Variants in GSPT1 observed in about 807,000 individuals in gnomAD.
GSPT1 encodes the protein G1 to S phase transition 1.
GSPT1 carries 20 observed loss-of-function variants against 72.5 expected under a neutral mutation model. The observed-to-expected ratio is 0.28, with a 90% CI of 0.19 to 0.40. The LOEUF is 0.40. Among genes scored for constraint, GSPT1 ranks in the 10% least tolerant of loss-of-function variants. The pLI is 1.00. For synonymous variants in GSPT1, 334 were observed against 293.5 expected, an observed-to-expected ratio of 1.14 and a Z score of -1.41; for missense variants, 580 against 811.9, an observed-to-expected ratio of 0.71 and a Z score of 3.47.
In GSPT1 at chr16:11,894,155, C is replaced by CAAAAAA. The variant is rs57226427; in HGVS notation, c.698+793_698+798dup. The stretch of plus-strand genomic sequence containing the variant: ...TTGGTGACAGAATGAGACCCTATCT[C>CAAAAAA]AAAAAAAAAAAAAAAAAAAAAAAAA... On this transcript the variant is annotated intron_variant, in intron 5 of 14. Transcript: ENST00000434724. 1.2e-3 allele frequency among the ~76,000 whole-genome samples: 50 copies of CAAAAAA among 42,672 alleles called. 2 individuals carry two copies. Among genetic ancestry groups the CAAAAAA allele is most frequent in the African/African-American group, 4.2e-3 (48 of 11,332 alleles). The allele number at this position is 42,672 out of a possible 152,430, so 28.0% of individuals were successfully genotyped here. A position where few individuals can be genotyped will look rare whatever the true frequency, so the allele number is the denominator to read the frequency against.
intron 1 of GSPT1, among the ~76,000 whole-genome samples, chr16:11,912,961 C>T (rs1020202425): frequency 6.6e-6 from 1 of 152,234 alleles, no homozygotes; most frequent in Non-Finnish European, 1.5e-5. Flanking sequence ...TCTCCAGGCT[C>T]CTTCAACAGC....
At chr16:11,895,027 A>G (rs748933925) in intron 4 of GSPT1, 40 bp from the exon 5 acceptor site, 3 of 1,389,900 alleles carry the variant, frequency 2.2e-6, no homozygotes, top group Non-Finnish European at 3.0e-6. Context: ...GGTTAAAACC[A>G]AAAACCAATG....
intron 1 of GSPT1, among the ~76,000 whole-genome samples, chr16:11,899,829 G>A (rs377599227): frequency 1.2e-4 from 18 of 152,228 alleles, no homozygotes; most frequent in African/African-American, 4.3e-4. Context: ...CTGACTCCTA[G>A]GTTTAACTCC....
At chr16:11,883,133 T>A in intron 10 of GSPT1, 38 bp from the exon 11 acceptor site, 1 of 1,319,440 alleles carries the variant, frequency 7.6e-7, no homozygotes, top group Non-Finnish European at 1.1e-6. Flanking sequence ...TTCAGACTTC[T>A]TGGTGCTGTA....
At chr16:11,892,519 AAAACAAAAAAAAC>A (rs2054276915) in intron 5 of GSPT1, among the ~76,000 whole-genome samples, 3 of 142,768 alleles carry the variant, frequency 2.1e-5, no homozygotes, top group African/African-American at 8.4e-5. Context: ...AAAAACAAAA[AAAACAAAAAAAAC>A]AAAAAATAAA....
At chr16:11,911,553 T>C (rs78514565) in intron 1 of GSPT1, among the ~76,000 whole-genome samples, 1 of 212 alleles carries the variant, frequency 4.7e-3, no homozygotes, top group South Asian at 0.17. Context: ...ACCCAGCTAT[T>C]TTTTTTTTTT....
At chr16:11,896,017 G>C (rs1266347635) in intron 4 of GSPT1, among the ~76,000 whole-genome samples, 1 of 152,208 alleles carries the variant, frequency 6.6e-6, no homozygotes, top group Non-Finnish European at 1.5e-5. Context: ...TGAAATGAAA[G>C]ACACATAATT....
chr16:11,909,691 G>A (rs182563488), intron 1 of GSPT1, among the ~76,000 whole-genome samples: 2 of 152,280 alleles, frequency 1.3e-5, no homozygotes, highest in East Asian at 1.9e-4. Flanking sequence ...TTGGGAGGCC[G>A]AGACGGGTGG....
chr16:11,889,317 A>G, intron 6 of GSPT1, among the ~76,000 whole-genome samples: 1 of 86,622 alleles, frequency 1.2e-5, no homozygotes, highest in South Asian at 4.4e-4. Flanking sequence ...CGGCACCCCC[A>G]CCCCTCTTCT....
chr16:11,884,364 C>T (rs767821695), intron 10 of GSPT1, among the ~76,000 whole-genome samples: 3 of 152,106 alleles, frequency 2.0e-5, no homozygotes, highest in African/African-American at 7.2e-5. Flanking sequence ...CCTGGCTCAT[C>T]GGGAAACAGC....
chr16:11,871,042 T>C lies in GSPT1; in HGVS notation c.*2077A>G, dbSNP rs2053972476. 6.6e-6 allele frequency: 1 copy of C among 152,212 alleles called. No homozygotes were observed. Among genetic ancestry groups the C allele is most frequent in the Non-Finnish European group, 1.5e-5 (1 of 68,030 alleles). 9.4% of individuals were successfully genotyped at this position (152,212 alleles called of 1,614,324 possible). ...AAATATTCATTAAAATTCAAGCAAT[T>C]GCTAGTATTTGTTTTTATTAACATG... On this transcript the variant is annotated 3_prime_UTR_variant, in exon 15 of 15. Transcript: ENST00000434724.
chr16:11,916,356 T>C (rs746133415), upstream of GSPT1, among the ~76,000 whole-genome samples: 2 of 152,026 alleles, frequency 1.3e-5, no homozygotes, highest in Non-Finnish European at 2.9e-5. Context: ...ATAGGAGGGG[T>C]CCACTCTGGC....
At chr16:11,904,672 A>T (rs78838250) in intron 1 of GSPT1, among the ~76,000 whole-genome samples, 2 of 152,212 alleles carry the variant, frequency 1.3e-5, no homozygotes, top group Non-Finnish European at 2.9e-5. Context: ...TAAAAAAAAA[A>T]AGCTACGTTT....
At chr16:11,898,828 CAT>C (rs1489737815) in intron 1 of GSPT1, among the ~76,000 whole-genome samples, 2 of 152,204 alleles carry the variant, frequency 1.3e-5, no homozygotes, top group Admixed American at 6.6e-5. Context: ...AGATAAATGA[CAT>C]GTGTATAAAG....
intron 1 of GSPT1, among the ~76,000 whole-genome samples, chr16:11,901,695 G>A (rs1046185216): frequency 1.3e-5 from 2 of 151,852 alleles, no homozygotes; most frequent in Non-Finnish European, 2.9e-5. Context: ...AGGAAACTGA[G>A]GCAGGAGAAT....
At chr16:11,884,611 A>T (rs1356587933) in intron 10 of GSPT1, among the ~76,000 whole-genome samples, 3 of 152,046 alleles carry the variant, frequency 2.0e-5, no homozygotes, top group African/African-American at 7.2e-5. Flanking sequence ...AATACAAAAA[A>T]CAATTAGCTG....
At chr16:11,876,396 T>C (rs1278634647) in intron 12 of GSPT1, among the ~76,000 whole-genome samples, 2 of 152,226 alleles carry the variant, frequency 1.3e-5, no homozygotes, top group Admixed American at 6.5e-5. Context: ...TATCTTATCC[T>C]GTATTTATCT....
chr16:11,895,561 A>C (rs887298061), intron 4 of GSPT1: 1 of 152,520 alleles, frequency 6.6e-6, no homozygotes, highest in Non-Finnish European at 1.5e-5. Context: ...AAGCAGCTGA[A>C]GAACTGTGAA....
At chr16:11,895,034 A>G in intron 4 of GSPT1, 47 bp from the exon 5 acceptor site, 2 of 1,244,186 alleles carry the variant, frequency 1.6e-6, no homozygotes, top group Non-Finnish European at 2.3e-6. Flanking sequence ...ACCAAAAACC[A>G]ATGGCTAAAT....
Sources: allele counts gnomAD v4.1 joint callset (sites outside exome capture counted in the v4.1 genomes callset), GRCh38; gene constraint gnomAD v4.1.1; transcripts MANE v1.5; gene names NCBI Gene and HGNC (gene_info 2026-07-23, HGNC 2026-07-21).